CD44: variants seen among roughly 807,000 people sequenced by gnomAD.
CD44 encodes CD44 molecule (IN blood group).
In CD44, 49 loss-of-function variants were observed where a neutral mutation model predicts 88.8. That is an observed-to-expected ratio of 0.55 (90% confidence interval 0.44 to 0.70). The LOEUF is 0.70. CD44 is among the 30% of genes least tolerant of loss of function. CD44 has a pLI of 0.00. For synonymous variants in CD44, 325 were observed against 312.3 expected (o/e 1.04, Z -0.43); for missense variants, 883 against 913.8 (o/e 0.97, Z 0.43).
chr11:35,165,076 T>C (rs1590993717), intron 1 of CD44, among the ~76,000 whole-genome samples: 1 of 152,096 alleles, frequency 6.6e-6, no homozygotes, highest in African/African-American at 2.4e-5. Context: ...TGGGGTAGGG[T>C]GGGTGCTGGA....
At chr11:35,226,923 C>T (rs1178971776) in intron 17 of CD44, among the ~76,000 whole-genome samples, 1 of 119,074 alleles carries the variant, frequency 8.4e-6, no homozygotes, top group Non-Finnish European at 1.6e-5. Flanking sequence ...CTTACTGTGT[C>T]ACCCAGGCTG....
chr11:35,203,439 A>G lies in CD44; in HGVS notation c.1154-1073A>G, dbSNP rs79217973. On this transcript the variant is annotated intron_variant, in intron 9 of 17. Coordinates refer to ENST00000428726, the MANE Select transcript of CD44 (RefSeq NM_000610.4). ...ATTCAGTGGTTTTTGTAACTTCATT[A>G]TTTATTGGGAATTAGTGATTTAGTC... Among the ~76,000 whole-genome samples the G allele has an allele frequency of 9.3e-3, 1,420 of 152,108 alleles. 25 individuals carry two copies. The highest frequency in any genetic ancestry group is 0.032 in the African/African-American group (1,320 of 41,496).
intron 16 of CD44, among the ~76,000 whole-genome samples, chr11:35,220,862 G>T (rs1949243087): frequency 6.7e-6 from 1 of 148,192 alleles, no homozygotes; most frequent in African/African-American, 2.5e-5. Flanking sequence ...TGCTTCCTGA[G>T]TTCAAGCGAT....
At chr11:35,155,165 C>G (rs1174394519) in intron 1 of CD44, among the ~76,000 whole-genome samples, 1 of 152,212 alleles carries the variant, frequency 6.6e-6, no homozygotes, top group Non-Finnish European at 1.5e-5. Flanking sequence ...CCACACCTAA[C>G]CAATCACTGG....
intron 1 of CD44, among the ~76,000 whole-genome samples, chr11:35,164,067 A>G (rs936292281): frequency 6.6e-6 from 1 of 152,082 alleles, no homozygotes; most frequent in Non-Finnish European, 1.5e-5. Flanking sequence ...ATTAGTGTTA[A>G]TATCACTGGA....
intron 1 of CD44, among the ~76,000 whole-genome samples, chr11:35,143,245 A>G (rs767046037): frequency 5.3e-5 from 8 of 151,898 alleles, no homozygotes; most frequent in Non-Finnish European, 1.5e-5. Context: ...GAACATCGCT[A>G]GATGGTCAGG....
chr11:35,142,459 T>C (rs144775447), intron 1 of CD44, among the ~76,000 whole-genome samples: 85 of 152,272 alleles, frequency 5.6e-4, no homozygotes, highest in African/African-American at 2.0e-3. Flanking sequence ...ATTGCATGCC[T>C]GGTGTTGAGA....
chr11:35,176,175 T>G (rs895766948), intron 1 of CD44, among the ~76,000 whole-genome samples: 4 of 151,964 alleles, frequency 2.6e-5, no homozygotes, highest in African/African-American at 9.7e-5. Context: ...CCGGAGCAGC[T>G]GGGACTACAG....
intron 3 of CD44, among the ~76,000 whole-genome samples, chr11:35,181,970 A>AGTATTAT (rs1565081481): frequency 6.8e-5 from 6 of 88,752 alleles, no homozygotes; most frequent in African/African-American, 2.7e-4. Context: ...TATATATATA[A>AGTATTAT]ATATTATATA....
At chr11:35,168,937 A>G (rs1943586458) in intron 1 of CD44, among the ~76,000 whole-genome samples, 1 of 152,260 alleles carries the variant, frequency 6.6e-6, no homozygotes, top group Admixed American at 6.5e-5. Flanking sequence ...AAAGCCAGTT[A>G]CAAAACTAAA....
At chr11:35,197,594 CTGTT>C (rs1002714321) in intron 6 of CD44, 9 of 152,562 alleles carry the variant, frequency 5.9e-5, no homozygotes, top group Admixed American at 2.6e-4. Flanking sequence ...GCTTCCATCT[CTGTT>C]TGGAGGTACA....
At chr11:35,221,760 C>T (rs1188354197) in intron 17 of CD44, 28 bp downstream of exon 17, 1 of 1,583,480 alleles carries the variant, frequency 6.3e-7, no homozygotes, top group Non-Finnish European at 8.7e-7. Context: ...GGGCTTTCAA[C>T]TTGGAAAGGG....
intron 5 of CD44, among the ~76,000 whole-genome samples, chr11:35,194,174 G>C (rs1397162354): frequency 2.0e-5 from 3 of 152,288 alleles, no homozygotes; most frequent in Admixed American, 2.0e-4. Flanking sequence ...ATTTTGCTTT[G>C]ATCATGAATT....
chr11:35,141,592 C>G (rs1443680080), intron 1 of CD44, among the ~76,000 whole-genome samples: 2 of 152,182 alleles, frequency 1.3e-5, no homozygotes, highest in Non-Finnish European at 2.9e-5. Flanking sequence ...ACCTGTCTCC[C>G]CGTTCCTTCT....
chr11:35,149,173 C>T (rs1233307030), intron 1 of CD44, among the ~76,000 whole-genome samples: 2 of 152,174 alleles, frequency 1.3e-5, no homozygotes, highest in African/African-American at 2.4e-5. Context: ...ATCATGTTCT[C>T]AACAATACTC....
At chr11:35,222,620 C>T (rs1837993333) in intron 17 of CD44, 3 of 599,622 alleles carry the variant, frequency 5.0e-6, no homozygotes, top group Non-Finnish European at 4.1e-6. Context: ...TATATATACA[C>T]ATACATTATA....
chr11:35,186,812 C>A lies in CD44; in HGVS notation c.368-20C>A. The A allele has an allele frequency of 1.3e-6, 2 of 1,523,400 alleles. No individual in the cohort carries two copies. The highest frequency in any genetic ancestry group is 1.8e-6 in the Non-Finnish European group (2 of 1,097,464). The allele number at this position is 1,523,400 out of a possible 1,614,324, so 94.4% of individuals were successfully genotyped here. A position where few individuals can be genotyped will look rare whatever the true frequency, so the allele number is the denominator to read the frequency against. ...CTCATGTTTTTAAAGGGTTCTCATC[C>A]TTTTTTTCCTACCTCATAGCTCCAC... On this transcript the variant is annotated intron_variant, in intron 3 of 17. Transcript: ENST00000428726.
chr11:35,214,456 A>G (rs982260947), intron 14 of CD44, among the ~76,000 whole-genome samples: 1 of 152,178 alleles, frequency 6.6e-6, no homozygotes, highest in Non-Finnish European at 1.5e-5. Context: ...TCATAATCCA[A>G]TTCATATTGT....
intron 5 of CD44, among the ~76,000 whole-genome samples, chr11:35,195,936 GA>G (rs1228126722): frequency 6.6e-6 from 1 of 152,158 alleles, no homozygotes; most frequent in Non-Finnish European, 1.5e-5. Context: ...GAAAAGTGTA[GA>G]GGCATATTTT....
Sources: gnomAD v4.1 joint callset for allele counts (sites outside exome capture counted in the v4.1 genomes callset) on GRCh38, gnomAD v4.1.1 for gene constraint, MANE v1.5 for transcripts, NCBI Gene and HGNC (gene_info 2026-07-23, HGNC 2026-07-21) for gene names.